The following PDE1A variants were observed in gnomAD, a reference collection of about 807,000 sequenced individuals.
PDE1A encodes dual specificity calcium/calmodulin-dependent 3',5'-cyclic nucleotide phosphodiesterase 1A.
A neutral mutation model predicts 61.7 loss-of-function variants in PDE1A; 35 were observed. That is an observed-to-expected ratio of 0.57 (90% CI 0.43 to 0.75). The LOEUF (loss-of-function observed/expected upper bound fraction) is 0.75, where lower values mean the gene tolerates loss of function less well. Ranked by LOEUF, PDE1A falls within the 30% of genes least tolerant of loss-of-function variation. The pLI, the probability that PDE1A is intolerant of heterozygous loss-of-function variation, is 0.00. For missense variants in PDE1A, 597 were observed against 630.6 expected, an observed-to-expected ratio of 0.95 and a Z score of 0.57; for synonymous variants, 232 against 213.2, an observed-to-expected ratio of 1.09 and a Z score of -0.77.
intron 1 of PDE1A, among the ~76,000 whole-genome samples, chr2:182,278,646 A>G (rs1693603579): frequency 6.6e-6 from 1 of 151,994 alleles, no homozygotes; most frequent in Admixed American, 6.6e-5. Context: ...ACTTATCAAC[A>G]CTAAAAATCT....
At chr2:182,551,015 A>C in the PDE1A span, among the ~76,000 whole-genome samples, 5 of 151,968 alleles carry the variant, frequency 3.3e-5, no homozygotes, top group Admixed American at 3.3e-4. Flanking sequence ...ACAGATTTGG[A>C]GAATAACTGG....
At chr2:182,499,384 G>A (rs1688952960) in intron 2 of PDE1A, among the ~76,000 whole-genome samples, 1 of 151,924 alleles carries the variant, frequency 6.6e-6, no homozygotes, top group South Asian at 2.1e-4. Context: ...CACCATGTTA[G>A]CCATAATTTT....
At chr2:182,351,537 T>G (rs1226196434) in intron 1 of PDE1A, among the ~76,000 whole-genome samples, 3 of 152,158 alleles carry the variant, frequency 2.0e-5, no homozygotes, top group African/African-American at 7.2e-5. Flanking sequence ...AAACATTGAA[T>G]AAGAGATGAA....
At chr2:182,690,966 T>C in the PDE1A span, among the ~76,000 whole-genome samples, 1 of 152,094 alleles carries the variant, frequency 6.6e-6, no homozygotes, top group African/African-American at 2.4e-5. Context: ...GGAATCCAAC[T>C]TACAAGGGAT....
the PDE1A span, among the ~76,000 whole-genome samples, chr2:182,647,528 AAG>A: frequency 6.6e-6 from 1 of 152,202 alleles, no homozygotes; most frequent in Non-Finnish European, 1.5e-5. Context: ...GTAGTCTATT[AAG>A]AGTTATTGAG....
the PDE1A span, among the ~76,000 whole-genome samples, chr2:182,625,211 G>A: frequency 2.8e-4 from 42 of 152,146 alleles, no homozygotes; most frequent in African/African-American, 9.4e-4. Context: ...GGACTTTCCA[G>A]CATCCAGAAC....
chr2:182,206,623 C>T (rs1230155879), intron 7 of PDE1A, among the ~76,000 whole-genome samples: 1 of 152,112 alleles, frequency 6.6e-6, no homozygotes, highest in African/African-American at 2.4e-5. Context: ...GTTTTGCCTT[C>T]TTCAAAATGT....
chr2:182,619,382 G>C, the PDE1A span, among the ~76,000 whole-genome samples: 4 of 152,128 alleles, frequency 2.6e-5, no homozygotes, highest in African/African-American at 9.7e-5. Flanking sequence ...AAAGCTCTGA[G>C]AAGACATTGT....
chr2:182,280,189 A>T (rs1385544906), intron 1 of PDE1A, among the ~76,000 whole-genome samples: 1 of 151,778 alleles, frequency 6.6e-6, no homozygotes, highest in African/African-American at 2.4e-5. Context: ...TACTAACATT[A>T]TGTTCTGAAT....
intron 2 of PDE1A, chr2:182,242,028 C>G: frequency 3.7e-6 from 5 of 1,358,168 alleles, no homozygotes; most frequent in Non-Finnish European, 4.7e-6. Context: ...TGATCAGATA[C>G]AGTGTAGGTA....
the PDE1A span, among the ~76,000 whole-genome samples, chr2:182,566,252 C>T: frequency 6.6e-6 from 1 of 152,182 alleles, no homozygotes; most frequent in Non-Finnish European, 1.5e-5. Flanking sequence ...TAAACTTCTC[C>T]TGTTTTAAAT....
intron 1 of PDE1A, among the ~76,000 whole-genome samples, chr2:182,350,085 A>C (rs1019927858): frequency 4.6e-5 from 7 of 152,138 alleles, no homozygotes; most frequent in African/African-American, 1.4e-4. Context: ...GAGTGTAACC[A>C]TTACTGTGAC....
chr2:182,185,969 T>C (rs776583592), exon 13 of PDE1A: 1 of 1,614,036 alleles, frequency 6.2e-7, no homozygotes, highest in Non-Finnish European at 8.5e-7. Context: ...ACTCTTCAGG[T>C]CCACTGCTGC....
At chr2:182,280,678 T>G (rs913289221) in intron 1 of PDE1A, among the ~76,000 whole-genome samples, 1 of 151,950 alleles carries the variant, frequency 6.6e-6, no homozygotes, top group Admixed American at 6.6e-5. Flanking sequence ...AAAAATTCGC[T>G]AAAATAACCT....
chr2:182,239,337 AT>A (rs1398072358), intron 3 of PDE1A, among the ~76,000 whole-genome samples: 1 of 152,112 alleles, frequency 6.6e-6, no homozygotes, highest in Non-Finnish European at 1.5e-5. Flanking sequence ...TCCACATATA[AT>A]TTCATGTAAT....
chr2:182,690,547 T>C, the PDE1A span, among the ~76,000 whole-genome samples: 17 of 152,148 alleles, frequency 1.1e-4, no homozygotes, highest in African/African-American at 3.9e-4. Flanking sequence ...ATAAGAGCTA[T>C]GTATGACAAA....
the PDE1A span, among the ~76,000 whole-genome samples, chr2:182,682,119 C>G: frequency 6.6e-6 from 1 of 152,200 alleles, no homozygotes; most frequent in African/African-American, 2.4e-5. Flanking sequence ...GAGTTTCTGA[C>G]TGTCTACAAT....
At chr2:182,169,891 G>GACACACAC (rs748862736) in intron 13 of PDE1A, among the ~76,000 whole-genome samples, 28 of 140,134 alleles carry the variant, frequency 2.0e-4, no homozygotes, top group South Asian at 1.1e-3. Flanking sequence ...GTGGACAGGA[G>GACACACAC]ACACACACAC....
intron 2 of PDE1A, among the ~76,000 whole-genome samples, chr2:182,251,744 C>T (rs1478874728): frequency 6.6e-6 from 1 of 152,126 alleles, no homozygotes; most frequent in Non-Finnish European, 1.5e-5. Flanking sequence ...ATTATTTCAC[C>T]GTCAGTGATG....
Sources: allele counts gnomAD v4.1 joint callset (sites outside exome capture counted in the v4.1 genomes callset), GRCh38; gene constraint gnomAD v4.1.1; transcripts MANE v1.5; gene names NCBI Gene and HGNC (gene_info 2026-07-23, HGNC 2026-07-21).